Variants in DIAPH3 observed in about 807,000 individuals in gnomAD.
The protein encoded by DIAPH3 is diaphanous related formin 3.
DIAPH3 carries 117 observed loss-of-function variants against 144.3 expected under a neutral mutation model. The observed-to-expected ratio is 0.81, with a 90% CI of 0.70 to 0.95. DIAPH3 has a LOEUF of 0.95. DIAPH3 is among the 40% of genes least tolerant of loss of function. DIAPH3 has a pLI of 0.00. For synonymous variants in DIAPH3, 519 were observed against 488.9 expected (o/e 1.06, Z -0.81); for missense variants, 1,421 against 1,412.7 (o/e 1.01, Z -0.09).
chr13:60,021,418 A>G (rs2054010617), intron 5 of DIAPH3, among the ~76,000 whole-genome samples: 1 of 152,174 alleles, frequency 6.6e-6, no homozygotes, highest in South Asian at 2.1e-4. Context: ...TGAGGCCAGG[A>G]GTTTGAGATC....
chr13:59,988,258 T>A (rs2051560552), intron 12 of DIAPH3, among the ~76,000 whole-genome samples: 1 of 151,822 alleles, frequency 6.6e-6, no homozygotes, highest in Admixed American at 6.6e-5. Flanking sequence ...TTATCTCCCA[T>A]CCCCAAATAT....
chr13:60,079,368 T>C (rs2057472704), intron 4 of DIAPH3, among the ~76,000 whole-genome samples: 2 of 152,054 alleles, frequency 1.3e-5, no homozygotes, highest in Admixed American at 1.3e-4. Context: ...GAGTTGACTT[T>C]TTGTACCCCT....
chr13:59,674,338 T>C (rs1357885533), intron 27 of DIAPH3, among the ~76,000 whole-genome samples: 1 of 152,172 alleles, frequency 6.6e-6, no homozygotes, highest in Non-Finnish European at 1.5e-5. Flanking sequence ...TGACATAAAA[T>C]TGAGAAAGCA....
At position 59,810,848 on chromosome 13, in the gene DIAPH3, C is replaced by T. The variant is rs528337122; in HGVS notation, c.3103G>A (p.Ala1035Thr). 3.4e-5 allele frequency: 55 copies of T among 1,613,498 alleles called. No homozygotes were observed. Among genetic ancestry groups the T allele is most frequent in the Non-Finnish European group, 4.4e-5 (52 of 1,179,926 alleles). ...TGGCGTTCGAGTCTTTCTCGCTCTG[C>T]TAATTCTTTAGCTATTCTGACACGT... ...EKRVRIAKEL[A>T]ERERLERQQK... Residue 1035 changes from alanine (A) to threonine (T), a missense_variant, in exon 25 of 28, where the codon GCA becomes ACA. Coordinates refer to ENST00000400324, the MANE Select transcript of DIAPH3 (RefSeq NM_001042517.2).
chr13:59,866,289 G>C (rs1428884236), intron 21 of DIAPH3, among the ~76,000 whole-genome samples: 1 of 151,990 alleles, frequency 6.6e-6, no homozygotes, highest in African/African-American at 2.4e-5. Context: ...GAAATTTAGA[G>C]AGATCATATA....
At chr13:60,116,052 G>A (rs1297978016) in intron 2 of DIAPH3, among the ~76,000 whole-genome samples, 1 of 152,068 alleles carries the variant, frequency 6.6e-6, no homozygotes, top group Non-Finnish European at 1.5e-5. Flanking sequence ...AATTTTTTCA[G>A]GCTGTAGGGA....
At chr13:59,872,236 T>C (rs939492154) in intron 21 of DIAPH3, among the ~76,000 whole-genome samples, 1 of 152,230 alleles carries the variant, frequency 6.6e-6, no homozygotes, top group Non-Finnish European at 1.5e-5. Flanking sequence ...GAGCACTGCT[T>C]TTATTGCATC....
chr13:59,692,773 C>T (rs1028251051), intron 27 of DIAPH3, among the ~76,000 whole-genome samples: 1 of 152,204 alleles, frequency 6.6e-6, no homozygotes, highest in African/African-American at 2.4e-5. Context: ...ACCAAACAGC[C>T]GCTCCTTGTT....
chr13:59,820,729 T>C (rs1434988018), intron 24 of DIAPH3, among the ~76,000 whole-genome samples: 1 of 150,392 alleles, frequency 6.6e-6, no homozygotes, highest in East Asian at 1.9e-4. Flanking sequence ...AAAATTTTAA[T>C]AAAACAAAAT....
chr13:59,946,568 CAAAT>C (rs1278750858), intron 17 of DIAPH3, among the ~76,000 whole-genome samples: 1 of 152,004 alleles, frequency 6.6e-6, no homozygotes, highest in Non-Finnish European at 1.5e-5. Flanking sequence ...AAGTAGCACA[CAAAT>C]AAACAAATGC....
intron 17 of DIAPH3, among the ~76,000 whole-genome samples, chr13:59,931,441 C>A (rs1166485237): frequency 6.6e-6 from 1 of 152,146 alleles, no homozygotes; most frequent in African/African-American, 2.4e-5. Flanking sequence ...AAACTCTTCA[C>A]CTGGTGTTCT....
intron 3 of DIAPH3, among the ~76,000 whole-genome samples, chr13:60,110,382 G>A (rs1458964261): frequency 2.0e-5 from 3 of 152,068 alleles, no homozygotes; most frequent in Admixed American, 1.3e-4. Context: ...TAACAGATAC[G>A]TACAAGCCAA....
At chr13:59,809,502 C>CAA (rs58693079) in intron 25 of DIAPH3, among the ~76,000 whole-genome samples, 2 of 105,402 alleles carry the variant, frequency 1.9e-5, no homozygotes, top group African/African-American at 3.4e-5. Context: ...AACTCCATCT[C>CAA]AAAAAAAAAA....
intron 3 of DIAPH3, among the ~76,000 whole-genome samples, chr13:60,094,288 T>C (rs539861555): frequency 1.2e-4 from 19 of 152,310 alleles, no homozygotes; most frequent in Admixed American, 3.3e-4. Context: ...TGTTCTAAAT[T>C]ACATAAAAGT....
At chr13:59,793,388 G>A (rs1432629133) in intron 25 of DIAPH3, among the ~76,000 whole-genome samples, 5 of 152,052 alleles carry the variant, frequency 3.3e-5, no homozygotes, top group African/African-American at 9.7e-5. Flanking sequence ...ATCCCCTGTA[G>A]TTACTACCCT....
chr13:59,843,842 A>G (rs1337711950), intron 22 of DIAPH3, among the ~76,000 whole-genome samples: 1 of 152,208 alleles, frequency 6.6e-6, no homozygotes, highest in East Asian at 1.9e-4. Context: ...TCTGATGGGT[A>G]AAACTAAAGA....
intron 22 of DIAPH3, among the ~76,000 whole-genome samples, chr13:59,858,607 T>A (rs1328074322): frequency 6.6e-6 from 1 of 152,130 alleles, no homozygotes; most frequent in East Asian, 1.9e-4. Context: ...CAAAAAAAAG[T>A]AAGTTTTGTC....
At chr13:59,878,042 A>T (rs2044745082) in intron 21 of DIAPH3, among the ~76,000 whole-genome samples, 1 of 152,150 alleles carries the variant, frequency 6.6e-6, no homozygotes, top group Non-Finnish European at 1.5e-5. Context: ...CATCATAATT[A>T]ATGGTTTACA....
intron 12 of DIAPH3, among the ~76,000 whole-genome samples, chr13:59,987,937 A>T (rs182271953): frequency 6.6e-6 from 1 of 151,896 alleles, no homozygotes; most frequent in African/African-American, 2.4e-5. Context: ...TCCATCTCAG[A>T]TCATCCCCTA....
Sources: gnomAD v4.1 joint callset for allele counts (sites outside exome capture counted in the v4.1 genomes callset) on GRCh38, gnomAD v4.1.1 for gene constraint, MANE v1.5 for transcripts, NCBI Gene and HGNC (gene_info 2026-07-23, HGNC 2026-07-21) for gene names.